ERCC8: variants seen among roughly 807,000 people sequenced by gnomAD.
ERCC8 encodes DNA excision repair protein ERCC-8.
A neutral mutation model predicts 54.9 loss-of-function variants in ERCC8; 52 were observed. The ratio of observed to expected loss-of-function variants is 0.95; its 90% CI spans 0.76 to 1.19. ERCC8 has a LOEUF of 1.19. ERCC8 is among the 50% of genes most tolerant of loss of function. ERCC8 has a pLI of 0.00. For missense variants in ERCC8, 514 were observed against 466.1 expected, an observed-to-expected ratio of 1.10 and a Z score of -0.95; for synonymous variants, 146 against 157.2, an observed-to-expected ratio of 0.93 and a Z score of 0.53.
intron 1 of ERCC8, among the ~76,000 whole-genome samples, chr5:60,940,786 C>T (rs149884683): frequency 3.1e-4 from 47 of 152,294 alleles, no homozygotes; most frequent in Non-Finnish European, 5.1e-4. Flanking sequence ...GTAGCCTGAA[C>T]CTAATCTTGC....
intron 11 of ERCC8, among the ~76,000 whole-genome samples, chr5:60,880,973 T>G (rs1748199801): frequency 6.6e-6 from 1 of 152,098 alleles, no homozygotes; most frequent in Non-Finnish European, 1.5e-5. Flanking sequence ...TTCTGCTCTG[T>G]TTTTTCCCCA....
At chr5:60,877,401 A>G (rs1240650004) in intron 11 of ERCC8, among the ~76,000 whole-genome samples, 1 of 152,134 alleles carries the variant, frequency 6.6e-6, no homozygotes, top group Non-Finnish European at 1.5e-5. Context: ...GTTTTTTCCA[A>G]TTCTGTGAAG....
At chr5:60,902,410 C>G in intron 7 of ERCC8, 32 bp downstream of exon 7, 1 of 1,524,154 alleles carries the variant, frequency 6.6e-7, no homozygotes, top group Non-Finnish European at 9.1e-7. Context: ...TTATTAATTA[C>G]TAACTTCAAA....
In ERCC8 at chr5:60,874,151, T is replaced by C. The variant is rs1747927636; in HGVS notation, c.*464A>G. On this transcript the variant is annotated 3_prime_UTR_variant, in exon 12 of 12. Transcript: ENST00000676185. ...ATGTGAATACATGAAGAAGAAAGAA[T>C]AAAATAATTTTGATGTTACCATTTC... The C allele has an allele frequency of 6.5e-6, 1 of 153,236 alleles. No individual in the cohort carries two copies. The highest frequency in any genetic ancestry group is 6.5e-5 in the Admixed American group (1 of 15,402). The allele number at this position is 153,236 out of a possible 1,614,324, so 9.5% of individuals were successfully genotyped here. A position where few individuals can be genotyped will look rare whatever the true frequency, so the allele number is the denominator to read the frequency against.
chr5:60,881,434 T>C (rs1471194430), intron 11 of ERCC8, among the ~76,000 whole-genome samples: 2 of 152,226 alleles, frequency 1.3e-5, no homozygotes, highest in African/African-American at 4.8e-5. Flanking sequence ...CTGCCTTTTG[T>C]TTGGCTATGC....
chr5:60,890,569 A>G (rs911810064), intron 10 of ERCC8, among the ~76,000 whole-genome samples: 3 of 152,230 alleles, frequency 2.0e-5, no homozygotes. Flanking sequence ...TTAAATGCCT[A>G]TATTTTATTT....
intron 9 of ERCC8, among the ~76,000 whole-genome samples, chr5:60,894,502 A>G (rs1248681076): frequency 6.6e-6 from 1 of 152,228 alleles, no homozygotes; most frequent in African/African-American, 2.4e-5. Flanking sequence ...AATAGTGTGT[A>G]CACTGTAGTT....
intron 4 of ERCC8, among the ~76,000 whole-genome samples, chr5:60,915,884 T>TA (rs914549432): frequency 3.3e-5 from 5 of 152,004 alleles, no homozygotes; most frequent in African/African-American, 1.2e-4. Flanking sequence ...GATTAGTACA[T>TA]AGACATCTGG....
chr5:60,934,066 T>C (rs1299678337), intron 1 of ERCC8, among the ~76,000 whole-genome samples: 1 of 152,228 alleles, frequency 6.6e-6, no homozygotes, highest in African/African-American at 2.4e-5. Context: ...GTATCTTTTT[T>C]GTATAATGAC....
At chr5:60,889,877 A>G (rs1748498572) in intron 10 of ERCC8, among the ~76,000 whole-genome samples, 3 of 152,090 alleles carry the variant, frequency 2.0e-5, no homozygotes, top group Non-Finnish European at 4.4e-5. Flanking sequence ...AATGGGATAT[A>G]CCTTCTTATT....
rs1343320708 is a variant in ERCC8, at chr5:60,876,854, T to G, written c.1123-2171A>C. ...TTGCTTGTTCACTCTGATGGTAGTT[T>G]CTTTTGCTGTGCAGAAGCTCTTTAG... On this transcript the variant is annotated intron_variant, in intron 11 of 11. Transcript: ENST00000676185. 3.0e-4 allele frequency among the ~76,000 whole-genome samples: 45 copies of G among 152,202 alleles called. 1 individual carries two copies. The highest frequency in any genetic ancestry group is 1.6e-4 in the Non-Finnish European group (11 of 68,034).
intron 1 of ERCC8, among the ~76,000 whole-genome samples, chr5:60,938,283 T>A (rs1289749675): frequency 6.6e-6 from 1 of 150,680 alleles, no homozygotes; most frequent in East Asian, 1.9e-4. Context: ...GATGTTACCA[T>A]GAATTATTTC....
At chr5:60,900,642 T>C (rs1047986541) in intron 7 of ERCC8, 1 of 152,050 alleles carries the variant, frequency 6.6e-6, no homozygotes, top group Non-Finnish European at 1.5e-5. Context: ...AGCAAAAAAC[T>C]AGCATTACCC....
intron 11 of ERCC8, among the ~76,000 whole-genome samples, chr5:60,884,855 T>C (rs1407489825): frequency 1.3e-5 from 2 of 152,158 alleles, no homozygotes; most frequent in South Asian, 2.1e-4. Flanking sequence ...TTTATAGCTC[T>C]AAAACAAATA....
At chr5:60,878,102 C>T (rs369059194) in intron 11 of ERCC8, among the ~76,000 whole-genome samples, 21 of 152,198 alleles carry the variant, frequency 1.4e-4, no homozygotes, top group Non-Finnish European at 1.6e-4. Flanking sequence ...TTTTGTCAAA[C>T]GCCTTTTCTG....
chr5:60,876,566 A>G (rs1330189653), intron 11 of ERCC8, among the ~76,000 whole-genome samples: 1 of 152,166 alleles, frequency 6.6e-6, no homozygotes, highest in East Asian at 1.9e-4. Context: ...TTTAATGATC[A>G]CCATTCTAAC....
intron 10 of ERCC8, among the ~76,000 whole-genome samples, chr5:60,889,051 T>G (rs1047496108): frequency 6.6e-6 from 1 of 152,240 alleles, no homozygotes; most frequent in Non-Finnish European, 1.5e-5. Context: ...CAGCAGTTAC[T>G]TTGTAGACTG....
chr5:60,911,347 G>C (rs1054095836), intron 4 of ERCC8, among the ~76,000 whole-genome samples: 1 of 152,178 alleles, frequency 6.6e-6, no homozygotes, highest in South Asian at 2.1e-4. Context: ...CTGATGACGA[G>C]TGATGACGAG....
chr5:60,889,994 A>AG (rs1394103637), intron 10 of ERCC8, among the ~76,000 whole-genome samples: 1 of 152,122 alleles, frequency 6.6e-6, no homozygotes, highest in Non-Finnish European at 1.5e-5. Context: ...GAAGGGGCTG[A>AG]GGCTGGAGGT....
Sources: gnomAD v4.1 joint callset for allele counts (sites outside exome capture counted in the v4.1 genomes callset) on GRCh38, gnomAD v4.1.1 for gene constraint, MANE v1.5 for transcripts, NCBI Gene and HGNC (gene_info 2026-07-23, HGNC 2026-07-21) for gene names.